Variants in TBXAS1 observed in about 807,000 individuals in gnomAD.
TBXAS1 encodes the protein thromboxane-A synthase.
Under a neutral mutation model 60.7 loss-of-function variants are expected in TBXAS1, and 48 were observed. The ratio of observed to expected loss-of-function variants is 0.79; its 90% CI spans 0.63 to 1.01. The LOEUF (loss-of-function observed/expected upper bound fraction) is 1.01. TBXAS1 is among the 50% of genes least tolerant of loss of function. The probability of loss-of-function intolerance (pLI) is 0.00; values close to 1 mark genes in which losing one functional copy is unlikely to be tolerated. For synonymous variants in TBXAS1, 287 were observed against 269.7 expected (o/e 1.06, Z -0.63); for missense variants, 685 against 686.3 (o/e 1.00, Z 0.02).
chr7:139,905,596 T>C (rs1333363120), intron 3 of TBXAS1, among the ~76,000 whole-genome samples: 1 of 152,222 alleles, frequency 6.6e-6, no homozygotes, highest in Admixed American at 6.5e-5. Context: ...TTGCATCCTT[T>C]CCTGGTTTTG....
At chr7:139,954,978 T>G (rs1040998934) in intron 6 of TBXAS1, among the ~76,000 whole-genome samples, 1 of 152,150 alleles carries the variant, frequency 6.6e-6, no homozygotes, top group African/African-American at 2.4e-5. Flanking sequence ...AACTAGATAA[T>G]TAGGTTGTTA....
At chr7:139,993,187 C>T (rs1813049500) in intron 9 of TBXAS1, among the ~76,000 whole-genome samples, 1 of 152,012 alleles carries the variant, frequency 6.6e-6, no homozygotes, top group Non-Finnish European at 1.5e-5. Context: ...TCAATAAATA[C>T]ATAAATGGGA....
At chr7:139,872,371 AG>A in intron 2 of TBXAS1, 43 bp downstream of exon 2, 1 of 1,582,862 alleles carries the variant, frequency 6.3e-7, no homozygotes. Flanking sequence ...AAATATGCTG[AG>A]GGCCAGGCAC....
At chr7:139,962,593 G>C (rs1343903227) in intron 9 of TBXAS1, 1 of 329,582 alleles carries the variant, frequency 3.0e-6, no homozygotes, top group Non-Finnish European at 5.8e-6. Context: ...GCCACACGGA[G>C]GGAGGCAGGT....
chr7:139,970,402 C>T (rs185976640), intron 9 of TBXAS1, among the ~76,000 whole-genome samples: 15 of 152,278 alleles, frequency 9.9e-5, no homozygotes, highest in South Asian at 2.1e-4. Flanking sequence ...CCACCGTGCC[C>T]GGCCAAGGGT....
chr7:140,016,488 C>T, intron 11 of TBXAS1: 1 of 257,534 alleles, frequency 3.9e-6, no homozygotes. Context: ...CAAGCCAGGA[C>T]ATGGGATACA....
chr7:139,957,909 A>G, intron 8 of TBXAS1, 145 bp downstream of exon 8: 2 of 1,253,800 alleles, frequency 1.6e-6, no homozygotes, highest in Non-Finnish European at 2.2e-6. Context: ...TTCCAGGGAC[A>G]GTGGAGAGAA....
intron 9 of TBXAS1, among the ~76,000 whole-genome samples, chr7:139,994,797 G>A (rs923738428): frequency 1.4e-4 from 21 of 152,136 alleles, no homozygotes; most frequent in Admixed American, 1.3e-3. Flanking sequence ...TTTAACCCAC[G>A]GAGAAAAGAG....
At chr7:139,798,374 G>A (rs1797625167) in intron 4 of TBXAS1, among the ~76,000 whole-genome samples, 3 of 152,204 alleles carry the variant, frequency 2.0e-5, no homozygotes, top group Non-Finnish European at 4.4e-5. Flanking sequence ...CATGGGTGGA[G>A]CCAAGTTTCC....
chr7:139,978,030 C>T (rs116457945), intron 9 of TBXAS1, among the ~76,000 whole-genome samples: 59 of 152,130 alleles, frequency 3.9e-4, no homozygotes, highest in African/African-American at 1.1e-3. Flanking sequence ...TGAACGATGT[C>T]GGGGGTATTG....
At chr7:139,897,345 G>A (rs1423496711) in intron 3 of TBXAS1, among the ~76,000 whole-genome samples, 1 of 151,376 alleles carries the variant, frequency 6.6e-6, no homozygotes, top group East Asian at 2.0e-4. Context: ...GGTGGGGAGG[G>A]GGACCGGGGG....
At position 139,916,477 on chromosome 7, in the gene TBXAS1, C is replaced by T. The variant is rs1210280409; in HGVS notation, c.333+5156C>T. The stretch of plus-strand genomic sequence containing the variant: ...CAGGTCGAGCCACACCACTGACACA[C>T]AAGAGTCACGTCCAAAGCCATGTGA... On this transcript the variant is annotated intron_variant, in intron 4 of 12. Coordinates refer to ENST00000448866, the MANE Select transcript of TBXAS1 (RefSeq NM_001061.7). The surrounding 1 kb of genome is among the most constrained non-coding windows in gnomAD (Gnocchi z 4.2). Among the ~76,000 whole-genome samples, 2 of 152,164 alleles carry T rather than the reference C, an allele frequency of 1.3e-5. No individual in the cohort carries two copies. Among genetic ancestry groups the T allele is most frequent in the Non-Finnish European group, 2.9e-5 (2 of 68,032 alleles).
In TBXAS1 at chr7:140,002,899, G is replaced by A. The variant is rs186420333; in HGVS notation, c.1135-4192G>A. 5.0e-3 allele frequency among the ~76,000 whole-genome samples: 761 copies of A among 152,112 alleles called. 3 individuals are homozygous for A. Among genetic ancestry groups the A allele is most frequent in the African/African-American group, 0.017 (706 of 41,526 alleles). ...AGCACTTTGGGAGGCCGAGGCAGGCGGATTGCCTGAGGTCAGGAGTTCGAG... is the reference window on the plus strand; with the variant it reads ...AGCACTTTGGGAGGCCGAGGCAGGCAGATTGCCTGAGGTCAGGAGTTCGAG... On this transcript the variant is annotated intron_variant, in intron 9 of 12. Coordinates refer to ENST00000448866, the MANE Select transcript of TBXAS1 (RefSeq NM_001061.7).
intron 4 of TBXAS1, among the ~76,000 whole-genome samples, chr7:139,911,528 T>C (rs1210639363): frequency 6.6e-6 from 1 of 152,180 alleles, no homozygotes; most frequent in Non-Finnish European, 1.5e-5. Flanking sequence ...TAAGAAATGC[T>C]TCAAGAAAGC....
At chr7:139,855,764 C>G (rs1800540736) in intron 1 of TBXAS1, among the ~76,000 whole-genome samples, 1 of 152,140 alleles carries the variant, frequency 6.6e-6, no homozygotes, top group South Asian at 2.1e-4. Context: ...CGACAGACTG[C>G]CCCTGTGGTC....
At chr7:139,781,596 C>G (rs1380575534) in intron 2 of TBXAS1, among the ~76,000 whole-genome samples, 2 of 152,056 alleles carry the variant, frequency 1.3e-5, no homozygotes, top group Non-Finnish European at 2.9e-5. Context: ...CTTTGGGAGG[C>G]TGAGGCAGGC....
chr7:139,804,546 C>A (rs936548545), intron 4 of TBXAS1, among the ~76,000 whole-genome samples: 1 of 150,806 alleles, frequency 6.6e-6, no homozygotes, highest in Admixed American at 6.6e-5. Flanking sequence ...GTGGGAGGGG[C>A]CAGGGGCAGA....
intron 9 of TBXAS1, among the ~76,000 whole-genome samples, chr7:139,991,602 G>C (rs1411493325): frequency 1.3e-5 from 2 of 152,208 alleles, no homozygotes; most frequent in Non-Finnish European, 2.9e-5. Flanking sequence ...GAAAGAGTCA[G>C]TGTTGATTTC....
chr7:139,962,444 G>C, intron 9 of TBXAS1: 1 of 575,636 alleles, frequency 1.7e-6, no homozygotes, highest in East Asian at 3.5e-5. Flanking sequence ...AAGACAAATT[G>C]TGTGTGCACC....
Sources: allele counts gnomAD v4.1 joint callset (sites outside exome capture counted in the v4.1 genomes callset), GRCh38; gene constraint gnomAD v4.1.1; non-coding constraint Gnocchi (gnomAD v3.1); transcripts MANE v1.5; gene names NCBI Gene and HGNC (gene_info 2026-07-23, HGNC 2026-07-21).